Variants in ANTXR2 observed in about 807,000 individuals in gnomAD.
ANTXR2 encodes anthrax toxin receptor 2.
Under a neutral mutation model 73.7 loss-of-function variants are expected in ANTXR2, and 44 were observed. The ratio of observed to expected loss-of-function variants is 0.60; its 90% CI spans 0.47 to 0.77. The LOEUF is 0.77. ANTXR2 is among the 30% of genes least tolerant of loss of function. ANTXR2 has a pLI of 0.00. For missense variants in ANTXR2, 604 were observed against 592.5 expected (o/e 1.02, Z -0.20); for synonymous variants, 217 against 205.9 (o/e 1.05, Z -0.46).
intron 7 of ANTXR2, among the ~76,000 whole-genome samples, chr4:80,044,758 G>A (rs1255360580): frequency 6.6e-6 from 1 of 151,768 alleles, no homozygotes; most frequent in African/African-American, 2.4e-5. Flanking sequence ...ACAGAATGCA[G>A]TCCATTCCAG....
chr4:80,052,307 T>C (rs575225774), intron 7 of ANTXR2, among the ~76,000 whole-genome samples: 8 of 151,824 alleles, frequency 5.3e-5, no homozygotes, highest in African/African-American at 1.9e-4. Context: ...TATGCAATTA[T>C]AAAGTCCAAT....
chr4:80,066,766 T>A (rs1734516944), intron 3 of ANTXR2, among the ~76,000 whole-genome samples: 1 of 152,102 alleles, frequency 6.6e-6, no homozygotes, highest in Admixed American at 6.5e-5. Context: ...ATTATATAGA[T>A]GAAAAAAGAA....
At chr4:80,039,695 G>A (rs1733143986) in intron 7 of ANTXR2, among the ~76,000 whole-genome samples, 1 of 152,114 alleles carries the variant, frequency 6.6e-6, no homozygotes, top group Non-Finnish European at 1.5e-5. Flanking sequence ...GGTAATATGA[G>A]TTTAGCCACT....
At chr4:79,909,367 G>C (rs1488911001) in intron 16 of ANTXR2, among the ~76,000 whole-genome samples, 1 of 152,116 alleles carries the variant, frequency 6.6e-6, no homozygotes, top group Non-Finnish European at 1.5e-5. Flanking sequence ...ACTTTAGTGT[G>C]TGATGACTAG....
At chr4:80,010,051 T>C (rs1294639969) in intron 11 of ANTXR2, among the ~76,000 whole-genome samples, 3 of 151,286 alleles carry the variant, frequency 2.0e-5, no homozygotes, top group Non-Finnish European at 4.4e-5. Context: ...TTGTGGTTTT[T>C]TTTTTTATGA....
At chr4:80,029,446 A>T (rs1732587405) in intron 10 of ANTXR2, among the ~76,000 whole-genome samples, 1 of 152,014 alleles carries the variant, frequency 6.6e-6, no homozygotes, top group African/African-American at 2.4e-5. Context: ...CCTCTTTCAG[A>T]TCGTTATGTT....
intron 16 of ANTXR2, among the ~76,000 whole-genome samples, chr4:79,954,982 T>C (rs1487667202): frequency 6.6e-6 from 1 of 152,220 alleles, no homozygotes; most frequent in Non-Finnish European, 1.5e-5. Context: ...AGTTCCAGTA[T>C]CTATATGTGT....
chr4:80,062,804 C>A (rs1457723761), intron 3 of ANTXR2, among the ~76,000 whole-genome samples: 2 of 152,128 alleles, frequency 1.3e-5, no homozygotes, highest in Non-Finnish European at 2.9e-5. Context: ...CAGCATCAGG[C>A]CTGGGTGTGA....
chr4:80,042,223 C>G (rs1376362804), intron 7 of ANTXR2, among the ~76,000 whole-genome samples: 1 of 152,044 alleles, frequency 6.6e-6, no homozygotes, highest in Non-Finnish European at 1.5e-5. Flanking sequence ...CAAGCCCTAA[C>G]TCTGGTTTTC....
intron 16 of ANTXR2, among the ~76,000 whole-genome samples, chr4:79,952,430 C>T (rs1011408479): frequency 6.6e-6 from 1 of 151,462 alleles, no homozygotes; most frequent in Non-Finnish European, 1.5e-5. Flanking sequence ...AATTTTTTCT[C>T]GAGAACCTGT....
At chr4:79,931,479 CT>C (rs1479099605) in intron 16 of ANTXR2, among the ~76,000 whole-genome samples, 1 of 149,238 alleles carries the variant, frequency 6.7e-6, no homozygotes, top group Non-Finnish European at 1.5e-5. Flanking sequence ...CTCTCTCTCT[CT>C]CTCTTTCTCC....
chr4:80,068,750 C>T (rs150727065), intron 3 of ANTXR2, among the ~76,000 whole-genome samples: 8 of 151,862 alleles, frequency 5.3e-5, no homozygotes, highest in African/African-American at 1.7e-4. Flanking sequence ...CCAGCCTGGG[C>T]AACAGAGAGA....
At chr4:80,018,292 T>A (rs1368624389) in intron 11 of ANTXR2, among the ~76,000 whole-genome samples, 1 of 152,090 alleles carries the variant, frequency 6.6e-6, no homozygotes, top group Non-Finnish European at 1.5e-5. Flanking sequence ...TTTCTATAAA[T>A]CCACAAAATT....
intron 16 of ANTXR2, chr4:79,965,138 G>C (rs1729316041): frequency 6.6e-6 from 1 of 152,208 alleles, no homozygotes; most frequent in Non-Finnish European, 1.5e-5. Flanking sequence ...CACCGTGACG[G>C]GACTCACAGA....
chr4:80,006,303 G>A (rs373851346), intron 12 of ANTXR2, among the ~76,000 whole-genome samples: 1 of 151,746 alleles, frequency 6.6e-6, no homozygotes, highest in East Asian at 1.9e-4. Context: ...TCCTAGCACA[G>A]TACTGACACC....
At position 79,902,748 on chromosome 4, in the gene ANTXR2, A is replaced by G. The variant is rs1266641485; in HGVS notation, c.*4681T>C. The G allele has an allele frequency of 6.6e-6, 1 of 151,142 alleles. No individual in the cohort carries two copies. Among genetic ancestry groups the G allele is most frequent in the African/African-American group, 2.4e-5 (1 of 41,210 alleles). 9.4% of individuals were successfully genotyped at this position (151,142 alleles called of 1,614,324 possible). ...GGTATTTTTTTTTTTTGCAACTGACAGTTTACAGAACTAATATTACCACAC... is the reference window on the plus strand; with the variant it reads ...GGTATTTTTTTTTTTTGCAACTGACGGTTTACAGAACTAATATTACCACAC... On this transcript the variant is annotated 3_prime_UTR_variant, in exon 17 of 17. Transcript: ENST00000403729.
intron 4 of ANTXR2, 140 bp from the exon 5 acceptor site, chr4:80,055,607 A>T: frequency 1.4e-6 from 1 of 721,078 alleles, no homozygotes; most frequent in Non-Finnish European, 2.3e-6. Context: ...TGTGTTAACT[A>T]TTTTATTTGA....
intron 16 of ANTXR2, among the ~76,000 whole-genome samples, chr4:79,956,539 G>GT (rs1728892643): frequency 6.6e-6 from 1 of 151,962 alleles, no homozygotes; most frequent in Admixed American, 6.6e-5. Context: ...TTCTTCATCT[G>GT]TTAAATGAGA....
intron 16 of ANTXR2, among the ~76,000 whole-genome samples, chr4:79,933,874 A>G (rs1274053389): frequency 2.6e-5 from 4 of 151,202 alleles, no homozygotes; most frequent in African/African-American, 7.3e-5. Flanking sequence ...AGCTGGGACT[A>G]CAGGCGCCCA....
Sources: allele counts gnomAD v4.1 joint callset (sites outside exome capture counted in the v4.1 genomes callset), GRCh38; gene constraint gnomAD v4.1.1; transcripts MANE v1.5; gene names NCBI Gene and HGNC (gene_info 2026-07-23, HGNC 2026-07-21).